NRG3: variants seen among roughly 807,000 people sequenced by gnomAD.
NRG3 encodes neuregulin 3.
A neutral mutation model predicts 66.9 loss-of-function variants in NRG3; 31 were observed. That is an observed-to-expected ratio of 0.46 (90% confidence interval 0.35 to 0.63). The LOEUF (loss-of-function observed/expected upper bound fraction) is 0.63. Ranked by LOEUF, NRG3 falls within the 20% of genes least tolerant of loss-of-function variation. NRG3 has a pLI of 0.00. For missense variants in NRG3, 910 were observed against 878.9 expected (o/e 1.04, Z -0.45); for synonymous variants, 393 against 359.4 (o/e 1.09, Z -1.06).
rs79239285 is a variant in NRG3, at chr10:82,243,990, T to C, written c.824-114749T>C. On this transcript the variant is annotated intron_variant, in intron 1 of 8. Coordinates refer to ENST00000372141, the MANE Select transcript of NRG3 (RefSeq NM_001010848.4). ...TTTTTAAATGTTAATTATGATGCTATACTTTTTCTGAATCAGTTCAAGGAG... is the reference window on the plus strand; with the variant it reads ...TTTTTAAATGTTAATTATGATGCTACACTTTTTCTGAATCAGTTCAAGGAG... Among the ~76,000 whole-genome samples the C allele has an allele frequency of 5.3e-3, 811 of 152,302 alleles. 10 individuals are homozygous for C. Among genetic ancestry groups the C allele is most frequent in the African/African-American group, 0.019 (779 of 41,560 alleles).
intron 2 of NRG3, among the ~76,000 whole-genome samples, chr10:82,515,781 C>T (rs1845591499): frequency 6.6e-6 from 1 of 152,162 alleles, no homozygotes; most frequent in African/African-American, 2.4e-5. Flanking sequence ...GAAAGTGGCT[C>T]CACACAGGGC....
chr10:82,112,634 C>G (rs900015830), intron 1 of NRG3, among the ~76,000 whole-genome samples: 2 of 152,156 alleles, frequency 1.3e-5, no homozygotes. Context: ...GAGCTTGCTA[C>G]AGACTGCTAA....
At chr10:82,185,017 A>G (rs2073710183) in intron 1 of NRG3, among the ~76,000 whole-genome samples, 1 of 152,160 alleles carries the variant, frequency 6.6e-6, no homozygotes, top group African/African-American at 2.4e-5. Flanking sequence ...AGGCAACTAC[A>G]TCTTGAGTCT....
At chr10:82,620,305 C>T (rs957965176) in intron 2 of NRG3, among the ~76,000 whole-genome samples, 1 of 152,148 alleles carries the variant, frequency 6.6e-6, no homozygotes, top group African/African-American at 2.4e-5. Flanking sequence ...GGGTCCTGAG[C>T]TCTTGTCCAG....
intron 2 of NRG3, among the ~76,000 whole-genome samples, chr10:82,656,888 G>T (rs895013519): frequency 6.6e-6 from 1 of 152,086 alleles, no homozygotes; most frequent in Non-Finnish European, 1.5e-5. Context: ...AGGGTCTCAA[G>T]ATCTGCCCTG....
At chr10:82,377,591 T>C in intron 2 of NRG3, among the ~76,000 whole-genome samples, 1 of 152,104 alleles carries the variant, frequency 6.6e-6, no homozygotes. Flanking sequence ...AGGACTTGTT[T>C]GAGAAGAGCA....
intron 2 of NRG3, among the ~76,000 whole-genome samples, chr10:82,637,197 A>T (rs971806954): frequency 6.6e-5 from 10 of 152,176 alleles, no homozygotes; most frequent in African/African-American, 2.4e-4. Flanking sequence ...TTATTTTTTT[A>T]AATGATGAGA....
chr10:82,248,904 A>G (rs2077364347), intron 1 of NRG3, among the ~76,000 whole-genome samples: 1 of 152,150 alleles, frequency 6.6e-6, no homozygotes, highest in South Asian at 2.1e-4. Context: ...CTTGTCTGCA[A>G]GTCTCAGTAT....
chr10:82,740,358 A>C (rs2058364190), intron 3 of NRG3, among the ~76,000 whole-genome samples: 1 of 152,022 alleles, frequency 6.6e-6, no homozygotes, highest in South Asian at 2.1e-4. Flanking sequence ...GGTAAAAAAA[A>C]CCTCTTTAAA....
intron 2 of NRG3, among the ~76,000 whole-genome samples, chr10:82,461,047 C>T (rs189370082): frequency 1.3e-5 from 2 of 151,856 alleles, no homozygotes; most frequent in Admixed American, 6.6e-5. Flanking sequence ...CTGCTACCAC[C>T]GTCAACAATA....
intron 1 of NRG3, among the ~76,000 whole-genome samples, chr10:82,072,859 T>C (rs752982331): frequency 3.3e-5 from 5 of 152,302 alleles, no homozygotes; most frequent in African/African-American, 7.2e-5. Context: ...CTCCAACTCC[T>C]GGGCTCAAGT....
intron 1 of NRG3, among the ~76,000 whole-genome samples, chr10:81,913,867 G>GA (rs1845417281): frequency 6.6e-6 from 1 of 152,116 alleles, no homozygotes; most frequent in Non-Finnish European, 1.5e-5. Flanking sequence ...TAGAAAAATT[G>GA]AAACATACTT....
In NRG3 at chr10:82,491,293, A is replaced by AATATAT. The variant is rs10652539; in HGVS notation, c.953+132443_953+132448dup. ...GATTCTGCCTATGCTGTTCCCATAA[A>AATATAT]ATATATATATATATATATATATAAA... On this transcript the variant is annotated intron_variant, in intron 2 of 8. Coordinates refer to ENST00000372141, the MANE Select transcript of NRG3 (RefSeq NM_001010848.4). Among the ~76,000 whole-genome samples the AATATAT allele has an allele frequency of 9.6e-3, 788 of 82,190 alleles. 31 individuals are homozygous for AATATAT. The highest frequency in any genetic ancestry group is 0.026 in the African/African-American group (754 of 28,480). 53.9% of individuals were successfully genotyped at this position (82,190 alleles called of 152,430 possible). A position where few individuals can be genotyped will look rare whatever the true frequency, so the allele number is the denominator to read the frequency against.
chr10:82,750,768 T>C (rs1442240077), intron 3 of NRG3, among the ~76,000 whole-genome samples: 1 of 152,174 alleles, frequency 6.6e-6, no homozygotes, highest in African/African-American at 2.4e-5. Context: ...GGCCTTTTGA[T>C]ATGGGCCAAC....
intron 1 of NRG3, among the ~76,000 whole-genome samples, chr10:81,886,866 A>G (rs1236049856): frequency 6.6e-6 from 1 of 152,162 alleles, no homozygotes; most frequent in African/African-American, 2.4e-5. Context: ...ACTGGTCACT[A>G]GATTTAATAT....
chr10:81,970,051 C>A (rs552632299), intron 1 of NRG3, among the ~76,000 whole-genome samples: 73 of 152,208 alleles, frequency 4.8e-4, no homozygotes, highest in African/African-American at 1.5e-3. Flanking sequence ...CTGTTTCTTA[C>A]ATTTAAGCTA....
At chr10:82,563,064 G>A (rs988784287) in intron 2 of NRG3, among the ~76,000 whole-genome samples, 3 of 152,060 alleles carry the variant, frequency 2.0e-5, no homozygotes, top group African/African-American at 7.2e-5. Flanking sequence ...GTATACCCAC[G>A]TATATAATAA....
At position 82,566,398 on chromosome 10, in the gene NRG3, C is replaced by T. The variant is rs142573225; in HGVS notation, c.954-172179C>T. Among the ~76,000 whole-genome samples the T allele has an allele frequency of 5.9e-5, 9 of 151,828 alleles. No individual in the cohort carries two copies. The East Asian group carries it at 1.6e-3, about 26-fold the overall frequency. ...TTATAATACATCATGGAATAGCACACGTGTGATATCTTAGGTGTTGGACCA... is the reference window on the plus strand; with the variant it reads ...TTATAATACATCATGGAATAGCACATGTGTGATATCTTAGGTGTTGGACCA... On this transcript the variant is annotated intron_variant, in intron 2 of 8. Transcript: ENST00000372141.
intron 1 of NRG3, among the ~76,000 whole-genome samples, chr10:82,156,490 A>G (rs1438739247): frequency 6.6e-6 from 1 of 151,618 alleles, no homozygotes. Flanking sequence ...GTACTCTGAA[A>G]CTGTTAGCCA....
Sources: allele counts gnomAD v4.1 joint callset (sites outside exome capture counted in the v4.1 genomes callset), GRCh38; gene constraint gnomAD v4.1.1; transcripts MANE v1.5; gene names NCBI Gene and HGNC (gene_info 2026-07-23, HGNC 2026-07-21).